The following MALRD1 variants were observed in gnomAD, a reference collection of about 807,000 sequenced individuals.
MALRD1 encodes the protein MAM and LDL receptor class A domain containing 1, also known as MAM and LDL-receptor class A domain-containing protein 1.
Under a neutral mutation model 242.1 loss-of-function variants are expected in MALRD1, and 247 were observed. The observed-to-expected ratio is 1.02, with a 90% CI of 0.92 to 1.13. The LOEUF is 1.13. MALRD1 is among the 50% of genes most tolerant of loss of function. MALRD1 has a pLI of 0.00. For missense variants in MALRD1, 2,989 were observed against 2,533.1 expected, an observed-to-expected ratio of 1.18 and a Z score of -3.86; for synonymous variants, 995 against 866.6, an observed-to-expected ratio of 1.15 and a Z score of -2.60.
chr10:19,162,290 CCTCT>C (rs34173895), intron 12 of MALRD1, among the ~76,000 whole-genome samples: 1 of 149,520 alleles, frequency 6.7e-6, no homozygotes, highest in East Asian at 1.9e-4. Context: ...TCCTCTCTTT[CCTCT>C]CTCTCTCTCT....
intron 19 of MALRD1, among the ~76,000 whole-genome samples, chr10:19,274,887 A>G (rs1840434136): frequency 6.6e-6 from 1 of 152,204 alleles, no homozygotes; most frequent in Admixed American, 6.5e-5. Flanking sequence ...GATTAAAAAA[A>G]GCTCTAAAGA....
chr10:19,428,103 G>A (rs1335750577), intron 28 of MALRD1, among the ~76,000 whole-genome samples: 1 of 151,822 alleles, frequency 6.6e-6, no homozygotes, highest in Non-Finnish European at 1.5e-5. Context: ...GTTTGACCCA[G>A]CGTCACTTTC....
At chr10:19,405,830 A>C (rs543117695) in intron 28 of MALRD1, among the ~76,000 whole-genome samples, 10 of 150,142 alleles carry the variant, frequency 6.7e-5, no homozygotes, top group Non-Finnish European at 1.5e-4. Context: ...CTCACTAAAC[A>C]TAGGGATTAC....
intron 30 of MALRD1, among the ~76,000 whole-genome samples, chr10:19,494,781 G>T (rs1247174079): frequency 6.6e-6 from 1 of 152,114 alleles, no homozygotes; most frequent in Non-Finnish European, 1.5e-5. Context: ...ATTATGTTAA[G>T]AGGCCAAATC....
At chr10:19,612,082 C>T (rs1333434237) in intron 35 of MALRD1, among the ~76,000 whole-genome samples, 1 of 151,972 alleles carries the variant, frequency 6.6e-6, no homozygotes, top group East Asian at 1.9e-4. Context: ...ACTCTGCAGT[C>T]TCAGACACTC....
At chr10:19,428,531 A>C (rs201839126) in intron 28 of MALRD1, among the ~76,000 whole-genome samples, 1 of 152,024 alleles carries the variant, frequency 6.6e-6, no homozygotes. Flanking sequence ...CACCATCCTC[A>C]CCACCACAGG....
intron 11 of MALRD1, among the ~76,000 whole-genome samples, chr10:19,154,267 T>C (rs554331221): frequency 3.9e-4 from 59 of 152,336 alleles, no homozygotes; most frequent in Non-Finnish European, 7.5e-4. Context: ...TATAAAATAA[T>C]ACATTCTAAT....
chr10:19,483,878 G>A (rs12254524), intron 29 of MALRD1, among the ~76,000 whole-genome samples: 15,606 of 152,056 alleles, frequency 0.1, 1,441 homozygotes, highest in African/African-American at 0.24. Context: ...ATCAACCTAG[G>A]TGCCCATCAA....
intron 8 of MALRD1, among the ~76,000 whole-genome samples, chr10:19,130,668 GTAT>G (rs1833064439): frequency 7.5e-6 from 1 of 133,496 alleles, no homozygotes. Context: ...AATTATGAAT[GTAT>G]GTATTGTGTA....
At chr10:19,555,753 A>G (rs1835691569) in intron 32 of MALRD1, among the ~76,000 whole-genome samples, 1 of 152,158 alleles carries the variant, frequency 6.6e-6, no homozygotes, top group South Asian at 2.1e-4. Context: ...AGATTAATGT[A>G]CCTGGTACTT....
intron 28 of MALRD1, among the ~76,000 whole-genome samples, chr10:19,420,663 T>G (rs16918714): frequency 0.018 from 2,690 of 152,256 alleles, 58 homozygotes; most frequent in African/African-American, 0.056. Flanking sequence ...TTTTAGAGTC[T>G]TTTGTGCACA....
At chr10:19,563,775 C>G (rs748916774) in intron 32 of MALRD1, among the ~76,000 whole-genome samples, 8 of 152,162 alleles carry the variant, frequency 5.3e-5, no homozygotes, top group Non-Finnish European at 1.2e-4. Context: ...TAGATGGTCT[C>G]TAATACACAT....
chr10:19,205,270 G>A lies in MALRD1; in HGVS notation c.2578+5G>A, dbSNP rs1484023607. Reference sequence around the variant, plus strand: ...GTACTGATGAAGTCAACTGTGGTAAGTTCTTTTTGGTTGGGGGATTCTCTT... The same window carrying A: ...GTACTGATGAAGTCAACTGTGGTAAATTCTTTTTGGTTGGGGGATTCTCTT... On this transcript the variant is annotated splice_donor_5th_base_variant and intron_variant, in intron 17 of 39. Transcript: ENST00000454679. The A allele has an allele frequency of 2.6e-6, 4 of 1,530,028 alleles. No individual in the cohort carries two copies. The Admixed American group carries it at 6.3e-5, about 24-fold the overall frequency. 94.8% of individuals were successfully genotyped at this position (1,530,028 alleles called of 1,614,324 possible).
chr10:19,165,492 ATGGTG>A, intron 12 of MALRD1, 140 bp from the exon 13 acceptor site: 1 of 486,886 alleles, frequency 2.1e-6, no homozygotes, highest in Non-Finnish European at 3.2e-6. Context: ...ATTAGTAGAG[ATGGTG>A]TTTCATGCCT....
intron 36 of MALRD1, among the ~76,000 whole-genome samples, chr10:19,684,780 T>C (rs1456558997): frequency 6.6e-6 from 1 of 151,930 alleles, no homozygotes; most frequent in Non-Finnish European, 1.5e-5. Context: ...AAATATAACC[T>C]GCTAAAAAGA....
intron 36 of MALRD1, among the ~76,000 whole-genome samples, chr10:19,627,661 T>C (rs1326994): frequency 0.066 from 9,927 of 149,488 alleles, 789 homozygotes; most frequent in African/African-American, 0.19. Flanking sequence ...CACGGGAAGC[T>C]GGAGTAGGAG....
intron 38 of MALRD1, among the ~76,000 whole-genome samples, chr10:19,729,302 C>G (rs1220785487): frequency 1.3e-5 from 2 of 152,186 alleles, no homozygotes; most frequent in African/African-American, 4.8e-5. Flanking sequence ...TCAGTAAGAG[C>G]CCCCTTCTTG....
At chr10:19,635,334 A>T (rs1840080058) in intron 36 of MALRD1, among the ~76,000 whole-genome samples, 1 of 152,200 alleles carries the variant, frequency 6.6e-6, no homozygotes, top group East Asian at 1.9e-4. Context: ...GTCAACTGAA[A>T]ATGTGTTTAT....
intron 21 of MALRD1, among the ~76,000 whole-genome samples, chr10:19,303,036 C>CCTG (rs1842018684): frequency 6.6e-6 from 1 of 151,226 alleles, no homozygotes; most frequent in Non-Finnish European, 1.5e-5. Flanking sequence ...CCTAAAGTAA[C>CCTG]AAAAGATTAA....
Sources: gnomAD v4.1 joint callset for allele counts (sites outside exome capture counted in the v4.1 genomes callset) on GRCh38, gnomAD v4.1.1 for gene constraint, MANE v1.5 for transcripts, NCBI Gene and HGNC (gene_info 2026-07-23, HGNC 2026-07-21) for gene names.